Variants in DNAH5 observed in about 807,000 individuals in gnomAD.
DNAH5 encodes the protein dynein axonemal heavy chain 5, also known as axonemal beta dynein heavy chain 5.
Under a neutral mutation model 518.2 loss-of-function variants are expected in DNAH5, and 372 were observed. The observed-to-expected ratio is 0.72, with a 90% CI of 0.66 to 0.78. The LOEUF is 0.78. Ranked by LOEUF, DNAH5 falls within the 30% of genes least tolerant of loss-of-function variation. DNAH5 has a pLI of 0.00. For synonymous variants in DNAH5, 2,039 were observed against 2,025.9 expected (o/e 1.01, Z -0.17); for missense variants, 5,523 against 5,687.0 (o/e 0.97, Z 0.93).
chr5:13,956,630 CTAGT>C (rs1172740987), intron 1 of DNAH5, among the ~76,000 whole-genome samples: 3 of 152,218 alleles, frequency 2.0e-5, no homozygotes, highest in African/African-American at 7.2e-5. Context: ...ATGCGTGCCC[CTAGT>C]TAGACAGAAG....
chr5:13,923,360 C>T lies in DNAH5; in HGVS notation c.358G>A (p.Asp120Asn), dbSNP rs779957324. 1.5e-5 allele frequency: 24 copies of T among 1,614,186 alleles called. No individual in the cohort carries two copies. The highest frequency in any genetic ancestry group is 1.2e-4 in the Admixed American group (7 of 60,030). The change falls in exon 4 of 79, where the codon GAT becomes AAT. Residue 120 changes from aspartate (D) to asparagine (N), a missense_variant. By Grantham distance (23) the Asp-to-Asn change is conservative (BLOSUM62 1). Transcript: ENST00000265104. ...ACACATACCCCAGTAAGAGCCACATCGTTTCCCTCGGTCACGAACACCTTA... is the reference window on the plus strand; with the variant it reads ...ACACATACCCCAGTAAGAGCCACATTGTTTCCCTCGGTCACGAACACCTTA... ...KPKVFVTEGN[D>N]VALTGVCVFF...
intron 7 of DNAH5, 65 bp downstream of exon 7, chr5:13,919,111 C>G: frequency 6.3e-7 from 1 of 1,597,090 alleles, no homozygotes; most frequent in South Asian, 1.1e-5. Context: ...TCACTCTATG[C>G]CTTGAAAATA....
chr5:13,862,860 A>ATATG lies in DNAH5; in HGVS notation c.4597-114_4597-113insCATA, dbSNP rs56036133. On this transcript the variant is annotated intron_variant, in intron 28 of 78. Transcript: ENST00000265104. ...TTGCTTCATATATATATAAATATAT[A>ATATG]TATAAACTTTTATATTTCCAGACCT... is the stretch of plus-strand genomic sequence containing the variant. 2,028 of 292,688 alleles carry ATATG rather than the reference A, an allele frequency of 6.9e-3. 31 individuals are homozygous for ATATG. The highest frequency in any genetic ancestry group is 0.029 in the African/African-American group (1,281 of 44,148). The allele number at this position is 292,688 out of a possible 1,614,324, so 18.1% of individuals were successfully genotyped here. A position where few individuals can be genotyped will look rare whatever the true frequency, so the allele number is the denominator to read the frequency against.
intron 59 of DNAH5, 119 bp downstream of exon 59, chr5:13,765,857 C>G (rs890759420): frequency 3.8e-6 from 4 of 1,056,310 alleles, no homozygotes; most frequent in Non-Finnish European, 5.9e-6. Flanking sequence ...CAAAGTTTTA[C>G]TCTGAAAAAA....
At chr5:13,784,807 T>G (rs189004845) in intron 52 of DNAH5, among the ~76,000 whole-genome samples, 209 of 152,296 alleles carry the variant, frequency 1.4e-3, no homozygotes, top group Non-Finnish European at 2.5e-3. Context: ...TGGCATTTTC[T>G]TGCACTGTAG....
intron 3 of DNAH5, among the ~76,000 whole-genome samples, chr5:13,926,283 G>A (rs189558159): frequency 1.7e-3 from 259 of 152,250 alleles, no homozygotes; most frequent in African/African-American, 5.8e-3. Flanking sequence ...CTGTCACCTC[G>A]GGAGAAACCA....
intron 76 of DNAH5, 75 bp downstream of exon 76, chr5:13,708,048 A>T: frequency 6.7e-7 from 1 of 1,489,858 alleles, no homozygotes; most frequent in Non-Finnish European, 9.4e-7. Context: ...TTATCCTTTC[A>T]TGCTTTCCAC....
intron 69 of DNAH5, among the ~76,000 whole-genome samples, chr5:13,728,692 C>A (rs1746098948): frequency 6.6e-6 from 1 of 152,168 alleles, no homozygotes; most frequent in African/African-American, 2.4e-5. Flanking sequence ...AAATGGTCAA[C>A]TTAAACTGAG....
intron 12 of DNAH5, among the ~76,000 whole-genome samples, chr5:13,904,447 A>T (rs2151967193): frequency 6.7e-6 from 1 of 148,594 alleles, no homozygotes; most frequent in South Asian, 2.1e-4. Flanking sequence ...TATGTGGATT[A>T]TATATGTGCA....
intron 1 of DNAH5, among the ~76,000 whole-genome samples, chr5:13,976,992 ATTCCCTAACC>A: frequency 6.6e-6 from 1 of 152,204 alleles, no homozygotes. Context: ...TTTTGTCTCA[ATTCCCTAACC>A]TTGAACGGTG....
chr5:13,903,317 T>C (rs1162147927), intron 12 of DNAH5, among the ~76,000 whole-genome samples: 1 of 149,956 alleles, frequency 6.7e-6, no homozygotes, highest in Admixed American at 6.6e-5. Flanking sequence ...AATGGAAAAA[T>C]ACAAAAAAAG....
At chr5:13,912,432 C>CT (rs1451027094) in intron 11 of DNAH5, among the ~76,000 whole-genome samples, 1 of 150,470 alleles carries the variant, frequency 6.6e-6, no homozygotes, top group Non-Finnish European at 1.5e-5. Flanking sequence ...TATATATATA[C>CT]TTTTTTATAT....
In DNAH5 at chr5:13,886,131, TAACC is replaced by T; in HGVS notation, c.2578-6_2578-3del. The T allele has an allele frequency of 8.4e-7, 1 of 1,185,120 alleles. No individual in the cohort carries two copies. Among genetic ancestry groups the T allele is most frequent in the Admixed American group, 3.1e-5 (1 of 32,108 alleles). 73.4% of individuals were successfully genotyped at this position (1,185,120 alleles called of 1,614,324 possible). A position where few individuals can be genotyped will look rare whatever the true frequency, so the allele number is the denominator to read the frequency against. On this transcript the variant is annotated splice_polypyrimidine_tract_variant and splice_region_variant and intron_variant, in intron 17 of 78. Transcript: ENST00000265104. The stretch of plus-strand genomic sequence containing the variant: ...TTGTGCACCATTTACACAAAGATCC[TAACC>T]AAAAAAAAAAAAAAAAAAAGATAGC...
At position 13,850,654 on chromosome 5, in the gene DNAH5, A is replaced by T. The variant is rs1766705445; in HGVS notation, c.5112T>A (p.Thr1704=). 6.2e-7 allele frequency: 1 copy of T among 1,613,894 alleles called. No homozygotes were observed. The highest frequency in any genetic ancestry group is 8.5e-7 in the Non-Finnish European group (1 of 1,179,856). ...TTTCAAAGAGCCAGTGAACTTACCC[A>T]GTAAGGGATTTCTGGCATATTTCCA... is the stretch of plus-strand genomic sequence containing the variant. ...DQLEICQKSL[T]GYLEKKRLCF... Residue 1704 remains threonine, a splice_region_variant and synonymous_variant, in exon 31 of 79, where the codon ACT becomes ACA. Transcript: ENST00000265104.
chr5:13,894,358 A>G (rs1421678746), intron 16 of DNAH5, among the ~76,000 whole-genome samples: 1 of 152,172 alleles, frequency 6.6e-6, no homozygotes, highest in African/African-American at 2.4e-5. Flanking sequence ...ACACTAACCT[A>G]TTTATATAAA....
chr5:13,934,338 G>A (rs1778715107), intron 1 of DNAH5, among the ~76,000 whole-genome samples: 1 of 152,132 alleles, frequency 6.6e-6, no homozygotes, highest in Non-Finnish European at 1.5e-5. Context: ...ACCTGCAGAA[G>A]AACCACCCAG....
intron 60 of DNAH5, among the ~76,000 whole-genome samples, chr5:13,760,007 C>T (rs551109663): frequency 7.9e-5 from 12 of 152,300 alleles, no homozygotes; most frequent in African/African-American, 2.4e-4. Context: ...GCAAAAGCAT[C>T]GCTTGTAAGT....
chr5:13,723,880 T>A lies in DNAH5; in HGVS notation c.12034-2635A>T, dbSNP rs150563599. On this transcript the variant is annotated intron_variant, in intron 70 of 78. Transcript: ENST00000265104. The stretch of plus-strand genomic sequence containing the variant: ...CACAGGGAAGGCTGCTTCACTTATA[T>A]CTGGAGAAGGGACCTTTGGTCATAA... Among the ~76,000 whole-genome samples the A allele has an allele frequency of 7.2e-3, 1,104 of 152,302 alleles. 5 individuals carry two copies. The highest frequency in any genetic ancestry group is 0.012 in the Non-Finnish European group (792 of 68,016).
intron 61 of DNAH5, among the ~76,000 whole-genome samples, chr5:13,755,370 T>G (rs1386863767): frequency 6.6e-6 from 1 of 152,132 alleles, no homozygotes; most frequent in African/African-American, 2.4e-5. Context: ...CTATAAAAAT[T>G]TTTATGACCA....
Sources: allele counts gnomAD v4.1 joint callset (sites outside exome capture counted in the v4.1 genomes callset), GRCh38; gene constraint gnomAD v4.1.1; transcripts MANE v1.5; gene names NCBI Gene and HGNC (gene_info 2026-07-23, HGNC 2026-07-21).